VWA5B1: variants seen among roughly 807,000 people sequenced by gnomAD.
The protein encoded by VWA5B1 is von Willebrand factor A domain containing 5B1, also known as von Willebrand factor A domain-containing protein 5B1.
A neutral mutation model predicts 118.2 loss-of-function variants in VWA5B1; 115 were observed. The ratio of observed to expected loss-of-function variants is 0.97; its 90% confidence interval spans 0.84 to 1.14. VWA5B1 has a LOEUF of 1.14. Ranked by LOEUF, VWA5B1 falls within the 50% of genes most tolerant of loss-of-function variation. The pLI is 0.00. For synonymous variants in VWA5B1, 682 were observed against 658.4 expected (o/e 1.04, Z -0.55); for missense variants, 1,596 against 1,603.8 (o/e 1.00, Z 0.08).
intron 4 of VWA5B1, among the ~76,000 whole-genome samples, chr1:20,314,950 A>G (rs537117096): frequency 6.3e-4 from 96 of 152,214 alleles, no homozygotes; most frequent in African/African-American, 2.3e-3. Context: ...AAAAACCAAC[A>G]TGTTTCCTGA....
At position 20,317,582 on chromosome 1, in the gene VWA5B1, T is replaced by C. The variant is rs1368074996; in HGVS notation, c.616T>C (p.Cys206Arg). 1 of 1,551,738 alleles carries C rather than the reference T, an allele frequency of 6.4e-7. No homozygotes were observed. Among genetic ancestry groups the C allele is most frequent in the African/African-American group, 1.4e-5 (1 of 73,050 alleles). The change falls in exon 5 of 22, where the codon TGC becomes CGC. Residue 206 changes from cysteine (C) to arginine (R), a missense_variant. Physicochemically the swap from Cys to Arg is radical, Grantham distance 180. Coordinates refer to ENST00000289815, the MANE Select transcript of VWA5B1 (RefSeq NM_001039500.3). ...AWAPGSWNKL[C>R]LATLLNTEVS... is the part of the protein sequence containing the mutation. ...GGCCCCGGGCTCCTGGAATAAGTTG[T>C]GCCTGGCGACTCTCCTGAACACCGA...
At chr1:20,314,177 G>T in intron 3 of VWA5B1, 145 bp from the exon 4 acceptor site, 1 of 823,124 alleles carries the variant, frequency 1.2e-6, no homozygotes, top group Non-Finnish European at 1.9e-6. Flanking sequence ...TGCTTCAATG[G>T]CTTACTTATT....
Position 20,343,101 on chromosome 1 carries a change from C to T in VWA5B1, c.2334C>T (p.Ala778=). ...CAGAGCCGTCCCACCATCCCTCTGC[C>T]TTCGAGACAGAGACGTCCTCGGACT... ...GDLEPSHHPS[A]FETETSSDWD... Residue 778 remains alanine (A), a synonymous_variant, in exon 16 of 22, where the codon GCC becomes GCT. Transcript: ENST00000289815. 1 of 1,531,222 alleles carries T rather than the reference C, an allele frequency of 6.5e-7. No individual in the cohort carries two copies. The highest frequency in any genetic ancestry group is 8.8e-7 in the Non-Finnish European group (1 of 1,133,758). The allele number at this position is 1,531,222 out of a possible 1,614,324, so 94.9% of individuals were successfully genotyped here.
intron 2 of VWA5B1, 75 bp downstream of exon 2, chr1:20,310,815 C>T: frequency 2.1e-6 from 3 of 1,441,842 alleles, no homozygotes; most frequent in Non-Finnish European, 2.7e-6. Flanking sequence ...CATTTACTCG[C>T]TGACTGACCT....
chr1:20,303,645 C>G (rs12097005), intron 1 of VWA5B1, among the ~76,000 whole-genome samples: 2,132 of 152,280 alleles, frequency 0.014, 48 homozygotes, highest in African/African-American at 0.047. Context: ...GGACACTAAC[C>G]TCAGGCAGTT....
chr1:20,318,836 C>A, intron 6 of VWA5B1, 115 bp downstream of exon 6: 1 of 1,391,576 alleles, frequency 7.2e-7, no homozygotes, highest in Non-Finnish European at 9.3e-7. Flanking sequence ...GGGAAAGAGT[C>A]GGGGTGGGGG....
At chr1:20,339,779 T>C (rs548887855) in intron 14 of VWA5B1, among the ~76,000 whole-genome samples, 1 of 152,180 alleles carries the variant, frequency 6.6e-6, no homozygotes, top group Admixed American at 6.5e-5. Context: ...GACCACTTGA[T>C]GCAATCAGAA....
At chr1:20,323,584 G>C in intron 8 of VWA5B1, 52 bp downstream of exon 8, 1 of 1,316,744 alleles carries the variant, frequency 7.6e-7, no homozygotes, top group Non-Finnish European at 9.7e-7. Flanking sequence ...GGGGAAATCA[G>C]CTGTGTGCCC....
intron 5 of VWA5B1, 56 bp downstream of exon 5, chr1:20,317,731 T>G: frequency 3.0e-6 from 4 of 1,337,486 alleles, no homozygotes; most frequent in African/African-American, 1.5e-5. Flanking sequence ...AGCCAAAGGC[T>G]GCCAGGGATG....
rs1167071740 is a variant in VWA5B1 at position 20,336,399 on chromosome 1, G to C, written c.1855G>C (p.Asp619His). ...QDDGPGLEGG[D>H]CAKNSGAPFI... ...TGACGGACCCGGGCTGGAAGGTGGA[G>C]ACTGTGCCAAGAACTCGGGGGCACC... Residue 619 changes from aspartate (D) to histidine (H), a missense_variant, in exon 13 of 22, where the codon GAC becomes CAC. By Grantham distance (81) the Asp-to-His change is moderately conservative. Coordinates refer to ENST00000289815, the MANE Select transcript of VWA5B1 (RefSeq NM_001039500.3). 6.5e-7 allele frequency: 1 copy of C among 1,530,448 alleles called. No individual in the cohort carries two copies. Among genetic ancestry groups the C allele is most frequent in the East Asian group, 2.5e-5 (1 of 40,044 alleles). The allele number at this position is 1,530,448 out of a possible 1,614,324, so 94.8% of individuals were successfully genotyped here.
chr1:20,344,555 A>C (rs1293853879), intron 16 of VWA5B1, among the ~76,000 whole-genome samples: 3 of 152,212 alleles, frequency 2.0e-5, no homozygotes, highest in Non-Finnish European at 4.4e-5. Flanking sequence ...TGCTATTAAG[A>C]AAAAAGACAG....
intron 1 of VWA5B1, among the ~76,000 whole-genome samples, chr1:20,295,203 C>A (rs530473998): frequency 6.6e-6 from 1 of 151,938 alleles, no homozygotes; most frequent in African/African-American, 2.4e-5. Flanking sequence ...GAGGGAGGAA[C>A]GTAAACAAGG....
chr1:20,337,571 C>A, intron 13 of VWA5B1, 75 bp from the exon 14 acceptor site: 5 of 1,444,366 alleles, frequency 3.5e-6, no homozygotes, highest in Non-Finnish European at 4.6e-6. Flanking sequence ...CACTTCCAAA[C>A]AGGAAAGGGG....
intron 9 of VWA5B1, 110 bp downstream of exon 9, chr1:20,328,110 G>A: frequency 9.6e-7 from 1 of 1,043,512 alleles, no homozygotes; most frequent in Non-Finnish European, 1.4e-6. Flanking sequence ...CTCAGAAGCT[G>A]CCTACCCACA....
rs978465788 is a variant in VWA5B1 at position 20,325,302 on chromosome 1, A to G, written c.1143+1770A>G. Reference sequence around the variant, plus strand: ...AAAGCAACACCTGGATTCCAGGGTCAATTCTGCCACCGATTTGCTCTGTGA... The same window carrying G: ...AAAGCAACACCTGGATTCCAGGGTCGATTCTGCCACCGATTTGCTCTGTGA... On this transcript the variant is annotated intron_variant, in intron 8 of 21. Coordinates refer to ENST00000289815, the MANE Select transcript of VWA5B1 (RefSeq NM_001039500.3). Among the ~76,000 whole-genome samples the G allele has an allele frequency of 2.0e-5, 3 of 152,232 alleles. No individual in the cohort carries two copies. The East Asian group carries it at 5.8e-4, about 29-fold the overall frequency.
At chr1:20,300,593 G>A (rs551048308) in intron 1 of VWA5B1, among the ~76,000 whole-genome samples, 2 of 152,282 alleles carry the variant, frequency 1.3e-5, no homozygotes, top group Middle Eastern at 3.4e-3. Flanking sequence ...ATGTAACCAC[G>A]CTGGGCTTCA....
intron 1 of VWA5B1, among the ~76,000 whole-genome samples, chr1:20,297,236 A>G (rs373161364): frequency 2.6e-5 from 4 of 152,294 alleles, no homozygotes; most frequent in African/African-American, 9.6e-5. Flanking sequence ...AGCCAATTAG[A>G]TTAGGCTACG....
At chr1:20,306,794 A>G (rs1405433418) in intron 1 of VWA5B1, among the ~76,000 whole-genome samples, 3 of 152,116 alleles carry the variant, frequency 2.0e-5, no homozygotes, top group Non-Finnish European at 4.4e-5. Context: ...GCCGTATAGA[A>G]CTCTTAGCAT....
At chr1:20,321,129 A>AAAC (rs1553198060) in intron 7 of VWA5B1, among the ~76,000 whole-genome samples, 1 of 150,802 alleles carries the variant, frequency 6.6e-6, no homozygotes, top group African/African-American at 2.4e-5. Context: ...AAAAAAAAAA[A>AAAC]CACGAAAAGA....
Sources: allele counts gnomAD v4.1 joint callset (sites outside exome capture counted in the v4.1 genomes callset), GRCh38; gene constraint gnomAD v4.1.1; transcripts MANE v1.5; gene names NCBI Gene and HGNC (gene_info 2026-07-23, HGNC 2026-07-21).